Variants in CASP6 observed in about 807,000 individuals in gnomAD.
CASP6 encodes the protein caspase-6.
In CASP6, 20 loss-of-function variants were observed where a neutral mutation model predicts 31.8. The ratio of observed to expected loss-of-function variants is 0.63; its 90% CI spans 0.44 to 0.91. The LOEUF is 0.91. Ranked by LOEUF, CASP6 falls within the 40% of genes least tolerant of loss-of-function variation. CASP6 has a pLI of 0.00. For missense variants in CASP6, 328 were observed against 361.1 expected, an observed-to-expected ratio of 0.91 and a Z score of 0.74; for synonymous variants, 130 against 127.8, an observed-to-expected ratio of 1.02 and a Z score of -0.12.
At chr4:109,670,633 T>A in the CASP6 span, among the ~76,000 whole-genome samples, 16 of 151,806 alleles carry the variant, frequency 1.1e-4, no homozygotes, top group Non-Finnish European at 2.1e-4. Context: ...GGAGAATCGC[T>A]TGAACCCGGA....
At chr4:109,686,284 G>T (rs1022237352), downstream of CASP6, among the ~76,000 whole-genome samples, 1 of 151,940 alleles carries the variant, frequency 6.6e-6, no homozygotes, top group Non-Finnish European at 1.5e-5. Context: ...GATTATAGGC[G>T]CCCGCCACCA....
At chr4:109,703,276 C>T (rs1468405247) in intron 1 of CASP6, 80 bp downstream of exon 1, 2 of 1,501,382 alleles carry the variant, frequency 1.3e-6, no homozygotes, top group Non-Finnish European at 1.8e-6. Flanking sequence ...TCCGCGCGCC[C>T]GGTCCACTAA....
chr4:109,687,026 T>A (rs937956805), downstream of CASP6, among the ~76,000 whole-genome samples: 5 of 152,116 alleles, frequency 3.3e-5, no homozygotes, highest in African/African-American at 1.2e-4. Flanking sequence ...TATTTTTTTT[T>A]AAGGCATAAG....
upstream of CASP6, among the ~76,000 whole-genome samples, chr4:109,706,131 TTATATATATATATATATATA>T (rs58847180): frequency 7.8e-4 from 28 of 36,098 alleles, 1 homozygote; most frequent in African/African-American, 2.7e-3. Flanking sequence ...CCTATCCATT[TTATATATATATATATATATA>T]TATATATATA....
At chr4:109,706,893 C>A (rs973478728), upstream of CASP6, among the ~76,000 whole-genome samples, 4 of 152,176 alleles carry the variant, frequency 2.6e-5, no homozygotes, top group South Asian at 8.3e-4. Flanking sequence ...AGTGACAGAA[C>A]GAGACTCCAT....
At chr4:109,665,722 C>A in the CASP6 span, among the ~76,000 whole-genome samples, 3 of 151,926 alleles carry the variant, frequency 2.0e-5, no homozygotes, top group Non-Finnish European at 4.4e-5. Context: ...TATTTTCAAT[C>A]CATGGTTGGT....
chr4:109,678,576 C>G, the CASP6 span, among the ~76,000 whole-genome samples: 1 of 145,222 alleles, frequency 6.9e-6, no homozygotes, highest in Non-Finnish European at 1.5e-5. Flanking sequence ...AGGAGCTCCT[C>G]ACCTCCCAGA....
the CASP6 span, chr4:109,673,765 G>A: frequency 1.7e-6 from 1 of 580,188 alleles, no homozygotes; most frequent in Non-Finnish European, 3.1e-6. Context: ...ATAAGCTTCT[G>A]AAGAAAAGGA....
chr4:109,670,785 T>C, the CASP6 span, among the ~76,000 whole-genome samples: 1 of 152,088 alleles, frequency 6.6e-6, no homozygotes, highest in African/African-American at 2.4e-5. Flanking sequence ...CTACTTTTCC[T>C]TTCCTGCTGC....
upstream of CASP6, among the ~76,000 whole-genome samples, chr4:109,705,995 AAAAAAAATATATATAT>A (rs1171772510): frequency 4.5e-4 from 26 of 57,528 alleles, no homozygotes; most frequent in East Asian, 4.7e-3. Flanking sequence ...AAAAAAAAAA[AAAAAAAATATATATAT>A]ATATATATAT....
intron 4 of CASP6, among the ~76,000 whole-genome samples, 153 bp from the exon 5 acceptor site, chr4:109,694,853 C>G (rs998513797): frequency 4.6e-5 from 7 of 152,058 alleles, no homozygotes; most frequent in Non-Finnish European, 1.0e-4. Flanking sequence ...TTTTTTGAGA[C>G]AGAGTTTCAC....
chr4:109,687,586 G>A, downstream of CASP6: 1 of 1,602,786 alleles, frequency 6.2e-7, no homozygotes, highest in South Asian at 1.1e-5. Context: ...TCAATGAAAA[G>A]AATTAATCTT....
At chr4:109,706,168 T>TATATATATATATATATACATAC (rs1438834395), upstream of CASP6, among the ~76,000 whole-genome samples, 6 of 92,470 alleles carry the variant, frequency 6.5e-5, no homozygotes, top group African/African-American at 3.1e-4. Context: ...TATATATATA[T>TATATATATATATATATACATAC]ATACACACAC....
chr4:109,671,651 C>T, the CASP6 span, among the ~76,000 whole-genome samples: 9 of 152,266 alleles, frequency 5.9e-5, no homozygotes, highest in Non-Finnish European at 1.2e-4. Flanking sequence ...TCCATTAGAG[C>T]CTTTAATCAT....
upstream of CASP6, among the ~76,000 whole-genome samples, chr4:109,705,777 C>A (rs1730580374): frequency 6.7e-6 from 1 of 149,838 alleles, no homozygotes; most frequent in African/African-American, 2.4e-5. Context: ...AGTTTTGAGA[C>A]CAGCCTAGGC....
At chr4:109,668,126 CTA>C in the CASP6 span, among the ~76,000 whole-genome samples, 1 of 152,204 alleles carries the variant, frequency 6.6e-6, no homozygotes, top group East Asian at 1.9e-4. Context: ...GTTGGATAGT[CTA>C]TAGATGTCAC....
the CASP6 span, among the ~76,000 whole-genome samples, chr4:109,671,391 T>C: frequency 6.6e-6 from 1 of 152,202 alleles, no homozygotes; most frequent in Non-Finnish European, 1.5e-5. Context: ...CCACAGTTCT[T>C]AGATATTTTG....
chr4:109,684,580 A>G (rs754816943), downstream of CASP6: 96 of 1,604,630 alleles, frequency 6.0e-5, no homozygotes, highest in South Asian at 5.5e-4. Context: ...TCATGGAGCC[A>G]GTTACATACT....
At chr4:109,690,247 A>AAAAAACAC (rs61007363) in intron 6 of CASP6, among the ~76,000 whole-genome samples, 8,714 of 143,318 alleles carry the variant, frequency 0.061, 1,025 homozygotes, top group African/African-American at 0.22. Context: ...AAAAAAAAAA[A>AAAAAACAC]ACGCACGCAC....
Sources: gnomAD v4.1 joint callset for allele counts (sites outside exome capture counted in the v4.1 genomes callset) on GRCh38, gnomAD v4.1.1 for gene constraint, MANE v1.5 for transcripts, NCBI Gene and HGNC (gene_info 2026-07-23, HGNC 2026-07-21) for gene names.